Variants in GAD2 observed in about 807,000 individuals in gnomAD.
GAD2 encodes the protein glutamate decarboxylase 2.
GAD2 carries 22 observed loss-of-function variants against 80.1 expected under a neutral mutation model. The ratio of observed to expected loss-of-function variants is 0.27; its 90% CI spans 0.20 to 0.39. GAD2 has a LOEUF of 0.39. Ranked by LOEUF, GAD2 falls within the 10% of genes least tolerant of loss-of-function variation. The pLI is 1.00. For missense variants in GAD2, 624 were observed against 738.4 expected, an observed-to-expected ratio of 0.85 and a Z score of 1.80; for synonymous variants, 274 against 256.9, an observed-to-expected ratio of 1.07 and a Z score of -0.64.
Position 26,217,228 on chromosome 10 carries a change from T to C in GAD2, c.76+343T>C, listed in dbSNP as rs1309653927. On this transcript the variant is annotated intron_variant, in intron 1 of 15. Coordinates refer to ENST00000376261, the MANE Select transcript of GAD2 (RefSeq NM_001134366.2). This position sits in a 1 kb window ranked among gnomAD's most constrained non-coding sequence, Gnocchi z 4.9. Reference sequence around the variant, plus strand: ...GGGTGGGACGGAGTGACCGTGAAGATAGAAAAAAAAAATGGGAAAGGTGAG... The same window carrying C: ...GGGTGGGACGGAGTGACCGTGAAGACAGAAAAAAAAAATGGGAAAGGTGAG... Among the ~76,000 whole-genome samples, 1 of 146,034 alleles carries C rather than the reference T, an allele frequency of 6.8e-6. No homozygotes were observed. Among genetic ancestry groups the C allele is most frequent in the Non-Finnish European group, 1.5e-5 (1 of 66,800 alleles).
intron 12 of GAD2, among the ~76,000 whole-genome samples, chr10:26,284,887 T>TC (rs1845314576): frequency 6.6e-6 from 1 of 152,152 alleles, no homozygotes; most frequent in Non-Finnish European, 1.5e-5. Context: ...TTTTTAGGGC[T>TC]CATGTGTTTT....
At chr10:26,252,652 G>A (rs1210611911) in intron 8 of GAD2, among the ~76,000 whole-genome samples, 2 of 144,822 alleles carry the variant, frequency 1.4e-5, no homozygotes, top group Middle Eastern at 4.4e-3. Context: ...TGCCCGACCC[G>A]GTACCCCTTC....
chr10:26,291,455 G>C (rs8190782), intron 13 of GAD2, among the ~76,000 whole-genome samples: 31,670 of 144,560 alleles, frequency 0.22, 3,472 homozygotes, highest in African/African-American at 0.31. Context: ...GAACCCATTT[G>C]ATATCTCCAG....
Position 26,219,244 on chromosome 10 carries a change from G to T in GAD2, c.488G>T (p.Cys163Phe). Residue 163 changes from cysteine to phenylalanine, a missense_variant, in exon 4 of 16, where the codon TGC (cysteine) becomes TTC (phenylalanine). By Grantham distance (205) the Cys-to-Phe change is radical. Transcript: ENST00000376261. ...AATTTGGAGGAAATTTTGATGCATT[G>T]CCAAACAACTCTAAAATATGCAATT... The part of the protein sequence containing the change: ...PQNLEEILMH[C>F]QTTLKYAIKT... The T allele has an allele frequency of 6.2e-7, 1 of 1,612,358 alleles. No homozygotes were observed. Among genetic ancestry groups the T allele is most frequent in the Non-Finnish European group, 8.5e-7 (1 of 1,178,728 alleles).
At chr10:26,292,202 G>C (rs917279516) in intron 13 of GAD2, among the ~76,000 whole-genome samples, 2 of 152,180 alleles carry the variant, frequency 1.3e-5, no homozygotes, top group Non-Finnish European at 1.5e-5. Flanking sequence ...CTCTTGAGTA[G>C]TCAAACTAAT....
intron 7 of GAD2, among the ~76,000 whole-genome samples, chr10:26,230,375 C>T (rs548924549): frequency 1.3e-5 from 2 of 152,278 alleles, no homozygotes; most frequent in South Asian, 4.1e-4. Flanking sequence ...TGTTTGAAAA[C>T]TCAGCCCACT....
chr10:26,295,196 T>C (rs1015130041), intron 15 of GAD2, among the ~76,000 whole-genome samples: 2 of 152,144 alleles, frequency 1.3e-5, no homozygotes, highest in African/African-American at 4.8e-5. Context: ...TAATGAAGAA[T>C]GGGGATGGAG....
intron 15 of GAD2, among the ~76,000 whole-genome samples, 181 bp downstream of exon 15, chr10:26,293,172 CTTT>C (rs987030977): frequency 5.2e-5 from 5 of 96,452 alleles, no homozygotes; most frequent in African/African-American, 2.1e-4. Context: ...CATTTTTCTT[CTTT>C]TTTTTTTTTT....
intron 7 of GAD2, among the ~76,000 whole-genome samples, chr10:26,230,231 G>A (rs1440751200): frequency 6.6e-6 from 1 of 152,134 alleles, no homozygotes; most frequent in East Asian, 1.9e-4. Flanking sequence ...GCGCAATCAA[G>A]TTGCATATTA....
intron 8 of GAD2, among the ~76,000 whole-genome samples, chr10:26,258,719 T>G (rs1844973547): frequency 6.6e-6 from 1 of 152,226 alleles, no homozygotes; most frequent in Non-Finnish European, 1.5e-5. Flanking sequence ...TTCCTTCCTT[T>G]TTAAGGCTGA....
intron 12 of GAD2, among the ~76,000 whole-genome samples, chr10:26,282,092 G>A (rs1329968463): frequency 6.6e-6 from 1 of 151,352 alleles, no homozygotes; most frequent in Non-Finnish European, 1.5e-5. Context: ...ACAGGCACCC[G>A]CCACCACACC....
chr10:26,242,581 A>G (rs1844756732), intron 7 of GAD2, among the ~76,000 whole-genome samples: 1 of 152,150 alleles, frequency 6.6e-6, no homozygotes, highest in Non-Finnish European at 1.5e-5. Flanking sequence ...CTATTTGTGA[A>G]TAACGTTAAG....
intron 6 of GAD2, among the ~76,000 whole-genome samples, chr10:26,229,037 C>A (rs549117475): frequency 5.3e-5 from 8 of 151,712 alleles, no homozygotes; most frequent in Middle Eastern, 3.4e-3. Flanking sequence ...TAAAAATACA[C>A]AAAAAAATTA....
chr10:26,282,368 G>T (rs1845281586), intron 12 of GAD2, among the ~76,000 whole-genome samples: 1 of 152,054 alleles, frequency 6.6e-6, no homozygotes, highest in Non-Finnish European at 1.5e-5. Flanking sequence ...TCAAATTTGT[G>T]TAACTTAGGG....
chr10:26,292,876 T>A (rs1453762431), intron 14 of GAD2, 26 bp from the exon 15 acceptor site: 1 of 1,599,808 alleles, frequency 6.3e-7, no homozygotes. Context: ...CTGGGCCAAA[T>A]GTGAATCTTC....
At chr10:26,253,951 G>A (rs1228075048) in intron 8 of GAD2, among the ~76,000 whole-genome samples, 2 of 152,066 alleles carry the variant, frequency 1.3e-5, no homozygotes, top group African/African-American at 2.4e-5. Context: ...GGGCGGGGGT[G>A]GCAGATGGTT....
At chr10:26,254,964 G>A (rs894404826) in intron 8 of GAD2, among the ~76,000 whole-genome samples, 2 of 152,264 alleles carry the variant, frequency 1.3e-5, no homozygotes, top group Non-Finnish European at 2.9e-5. Context: ...CCTGTCTGAG[G>A]TGAACCATTC....
intron 12 of GAD2, among the ~76,000 whole-genome samples, chr10:26,286,138 C>A (rs1297103138): frequency 4.6e-5 from 7 of 152,156 alleles, no homozygotes; most frequent in African/African-American, 1.7e-4. Context: ...TGACCCTGAG[C>A]CATTGATCCC....
chr10:26,241,663 G>C (rs773964937), intron 7 of GAD2, among the ~76,000 whole-genome samples: 3 of 151,642 alleles, frequency 2.0e-5, no homozygotes, highest in Admixed American at 2.0e-4. Context: ...CTGTCTGTAC[G>C]TGTATGCACA....
Sources: gnomAD v4.1 joint callset for allele counts (sites outside exome capture counted in the v4.1 genomes callset) on GRCh38, gnomAD v4.1.1 for gene constraint, Gnocchi (gnomAD v3.1) non-coding constraint, MANE v1.5 for transcripts, NCBI Gene and HGNC (gene_info 2026-07-23, HGNC 2026-07-21) for gene names.